The following SLC44A1 variants were observed in gnomAD, a reference collection of about 807,000 sequenced individuals.
SLC44A1 encodes the protein choline transporter-like protein 1.
A neutral mutation model predicts 79.3 loss-of-function variants in SLC44A1; 26 were observed. That is an observed-to-expected ratio of 0.33 (90% CI 0.24 to 0.46). The LOEUF is 0.46. Among genes scored for constraint, SLC44A1 ranks in the 20% least tolerant of loss-of-function variants. The pLI, the probability that SLC44A1 is intolerant of heterozygous loss-of-function variation, is 1.00. For missense variants in SLC44A1, 688 were observed against 798.1 expected, an observed-to-expected ratio of 0.86 and a Z score of 1.66; for synonymous variants, 263 against 286.2, an observed-to-expected ratio of 0.92 and a Z score of 0.82.
intron 15 of SLC44A1, among the ~76,000 whole-genome samples, chr9:105,423,771 C>T (rs1265982378): frequency 2.0e-5 from 3 of 152,152 alleles, no homozygotes; most frequent in Non-Finnish European, 4.4e-5. Flanking sequence ...CATTTTGAGT[C>T]TTGCCATTTT....
chr9:105,397,320 TAATA>T lies in SLC44A1; in HGVS notation c.*8271_*8274del, dbSNP rs1298621240. 1.3e-5 allele frequency: 13 copies of T among 978,242 alleles called. No homozygotes were observed. The South Asian group carries it at 2.8e-4, about 21-fold the overall frequency. 60.6% of individuals were successfully genotyped at this position (978,242 alleles called of 1,614,324 possible). On this transcript the variant is annotated 3_prime_UTR_variant, in exon 16 of 16. Coordinates refer to ENST00000374720, the MANE Select transcript of SLC44A1 (RefSeq NM_080546.5). ...TAACAAATGTATAGAATTTTTTATG[TAATA>T]AATAAAATTTTATAGGAAAGAATGT... is the stretch of plus-strand genomic sequence containing the variant.
intron 1 of SLC44A1, among the ~76,000 whole-genome samples, chr9:105,269,772 A>G (rs1040850012): frequency 6.6e-6 from 1 of 152,170 alleles, no homozygotes; most frequent in African/African-American, 2.4e-5. Flanking sequence ...AGCTGCCAGC[A>G]GTCTTCTTTG....
At chr9:105,289,496 A>T (rs1434545246) in intron 1 of SLC44A1, among the ~76,000 whole-genome samples, 2 of 152,234 alleles carry the variant, frequency 1.3e-5, no homozygotes, top group Non-Finnish European at 2.9e-5. Context: ...TGGAATGATA[A>T]TTACTGTGAT....
chr9:105,411,758 G>A (rs1190409761), intron 15 of SLC44A1, among the ~76,000 whole-genome samples: 9 of 152,076 alleles, frequency 5.9e-5, no homozygotes, highest in Admixed American at 2.0e-4. Flanking sequence ...TAGATCCAAG[G>A]TATGCCTTTT....
chr9:105,337,619 A>C (rs889455573), intron 4 of SLC44A1, among the ~76,000 whole-genome samples: 16 of 152,362 alleles, frequency 1.1e-4, no homozygotes, highest in African/African-American at 3.8e-4. Flanking sequence ...CATAGTAAAA[A>C]ATAAAAGTCT....
intron 12 of SLC44A1, among the ~76,000 whole-genome samples, chr9:105,367,237 A>T (rs1827969929): frequency 6.6e-6 from 1 of 152,186 alleles, no homozygotes; most frequent in Admixed American, 6.5e-5. Context: ...CTCACCATTT[A>T]CTGCTAAGTG....
At position 105,389,358 on chromosome 9, in the gene SLC44A1, C is replaced by T. The variant is rs971701528; in HGVS notation, c.*302C>T. On this transcript the variant is annotated 3_prime_UTR_variant, in exon 16 of 16. Coordinates refer to ENST00000374720, the MANE Select transcript of SLC44A1 (RefSeq NM_080546.5). ...TTAATGGAAATGTTAAAATTCATAT[C>T]TGATTAACATTTTTAATAACTTAGA... 7.3e-6 allele frequency: 8 copies of T among 1,102,662 alleles called. No individual in the cohort carries two copies. The highest frequency in any genetic ancestry group is 7.7e-6 in the Non-Finnish European group (7 of 905,448). 68.3% of individuals were successfully genotyped at this position (1,102,662 alleles called of 1,614,324 possible). A position where few individuals can be genotyped will look rare whatever the true frequency, so the allele number is the denominator to read the frequency against.
At chr9:105,307,410 G>A (rs923337677) in intron 2 of SLC44A1, among the ~76,000 whole-genome samples, 1 of 152,138 alleles carries the variant, frequency 6.6e-6, no homozygotes, top group Non-Finnish European at 1.5e-5. Flanking sequence ...TTGGGAGGCC[G>A]AGGCAGATGG....
At chr9:105,397,700 T>G (rs932700696), downstream of SLC44A1, among the ~76,000 whole-genome samples, 28 of 151,696 alleles carry the variant, frequency 1.8e-4, no homozygotes, top group Non-Finnish European at 3.4e-4. Context: ...ATCCCAGCAC[T>G]TTGGGAGGCC....
chr9:105,385,153 C>G (rs774003894), intron 14 of SLC44A1, among the ~76,000 whole-genome samples: 6 of 152,092 alleles, frequency 3.9e-5, no homozygotes, highest in Non-Finnish European at 7.4e-5. Flanking sequence ...ATTTTCTCTT[C>G]CAGGTAGAAC....
chr9:105,324,250 AT>A (rs35532819), intron 3 of SLC44A1, among the ~76,000 whole-genome samples: 5,088 of 132,370 alleles, frequency 0.038, 91 homozygotes, highest in African/African-American at 0.066. Context: ...CGTGCCCGGA[AT>A]TTTTTTTTTT....
chr9:105,325,507 G>C (rs531338524), intron 3 of SLC44A1, among the ~76,000 whole-genome samples: 2 of 152,296 alleles, frequency 1.3e-5, no homozygotes, highest in East Asian at 1.9e-4. Context: ...TTTTGCTGGT[G>C]GGGACTCTGT....
At chr9:105,298,966 G>T (rs1830802877) in intron 1 of SLC44A1, among the ~76,000 whole-genome samples, 1 of 151,980 alleles carries the variant, frequency 6.6e-6, no homozygotes, top group Admixed American at 6.6e-5. Flanking sequence ...TCTAATACAG[G>T]TACCAAAAAA....
intron 15 of SLC44A1, among the ~76,000 whole-genome samples, chr9:105,405,235 C>T (rs767521092): frequency 1.3e-5 from 2 of 151,688 alleles, no homozygotes; most frequent in Non-Finnish European, 2.9e-5. Flanking sequence ...GCAGGAGAAT[C>T]TCTTGAATCG....
In SLC44A1 at chr9:105,364,494, T is replaced by G. The variant is rs538745406; in HGVS notation, c.1088-61T>G. 62 of 1,473,104 alleles carry G rather than the reference T, an allele frequency of 4.2e-5. 1 individual carries two copies. In the South Asian group the frequency reaches 7.3e-4, roughly 17 times the overall value. The allele number at this position is 1,473,104 out of a possible 1,614,324, so 91.3% of individuals were successfully genotyped here. The stretch of plus-strand genomic sequence containing the variant: ...AGGGACCTATTGCCTTCTACTTAAC[T>G]GCCGTATTTCTGGATTTGTACTTTA... On this transcript the variant is annotated intron_variant, in intron 9 of 15. Transcript: ENST00000374720.
At chr9:105,354,089 C>T (rs1191798000) in intron 5 of SLC44A1, among the ~76,000 whole-genome samples, 3 of 111,910 alleles carry the variant, frequency 2.7e-5, no homozygotes, top group African/African-American at 1.1e-4. Context: ...CTCTCTCTGT[C>T]GCCCAGGCTG....
rs1829387514 is a variant in SLC44A1 at position 105,244,867 on chromosome 9, C to T, written c.-2C>T. The T allele has an allele frequency of 8.7e-7, 1 of 1,155,432 alleles. No homozygotes were observed. The allele number at this position is 1,155,432 out of a possible 1,614,324, so 71.6% of individuals were successfully genotyped here. ...CCGCCTCCGGGCTCCTTCGGCCCCG[C>T]CATGGGCTGCTGCAGCTCCGCCTCC... On this transcript the variant is annotated 5_prime_UTR_variant, in exon 1 of 16. Transcript: ENST00000374720.
intron 1 of SLC44A1, among the ~76,000 whole-genome samples, chr9:105,289,115 C>G (rs1468610093): frequency 6.6e-6 from 1 of 152,126 alleles, no homozygotes; most frequent in South Asian, 2.1e-4. Context: ...GTAGGGGAAG[C>G]GGTAAGGCCG....
At chr9:105,380,945 A>C (rs1222589020) in intron 13 of SLC44A1, among the ~76,000 whole-genome samples, 1 of 152,010 alleles carries the variant, frequency 6.6e-6, no homozygotes, top group African/African-American at 2.4e-5. Flanking sequence ...AGTGCATAAC[A>C]CTCTTTCATT....
Sources: gnomAD v4.1 joint callset for allele counts (sites outside exome capture counted in the v4.1 genomes callset) on GRCh38, gnomAD v4.1.1 for gene constraint, MANE v1.5 for transcripts, NCBI Gene and HGNC (gene_info 2026-07-23, HGNC 2026-07-21) for gene names.